The following RBFOX1 variants were observed in gnomAD, a reference collection of about 807,000 sequenced individuals.
RBFOX1 encodes RNA binding protein fox-1 homolog 1.
RBFOX1 carries 8 observed loss-of-function variants against 57.7 expected under a neutral mutation model. The ratio of observed to expected loss-of-function variants is 0.14; its 90% CI spans 0.08 to 0.25. The LOEUF is 0.25. Ranked by LOEUF, RBFOX1 falls within the 10% of genes least tolerant of loss-of-function variation. The pLI is 1.00. For synonymous variants in RBFOX1, 326 were observed against 222.4 expected, an observed-to-expected ratio of 1.47 and a Z score of -4.15; for missense variants, 611 against 548.5, an observed-to-expected ratio of 1.11 and a Z score of -1.14.
chr16:6,825,547 C>T (rs1423734500), intron 3 of RBFOX1, among the ~76,000 whole-genome samples: 2 of 152,100 alleles, frequency 1.3e-5, no homozygotes, highest in Non-Finnish European at 2.9e-5. Flanking sequence ...TATTGAAGGT[C>T]CAGGTACCTA....
chr16:7,331,820 T>A (rs1223105863), intron 4 of RBFOX1, among the ~76,000 whole-genome samples: 1 of 152,202 alleles, frequency 6.6e-6, no homozygotes, highest in Non-Finnish European at 1.5e-5. Flanking sequence ...TTAATTCAAT[T>A]GGAATTAATT....
chr16:6,305,264 C>A (rs901843344), intron 1 of RBFOX1, among the ~76,000 whole-genome samples: 1 of 152,168 alleles, frequency 6.6e-6, no homozygotes, highest in African/African-American at 2.4e-5. Flanking sequence ...AGTGAGAACA[C>A]GTACCAATAC....
intron 12 of RBFOX1, among the ~76,000 whole-genome samples, chr16:7,660,952 A>G (rs1320213966): frequency 2.0e-5 from 3 of 152,168 alleles, no homozygotes; most frequent in Non-Finnish European, 4.4e-5. Flanking sequence ...CTACATGTCT[A>G]AAGAGGCAAT....
chr16:7,304,022 C>G (rs879439121), intron 4 of RBFOX1, among the ~76,000 whole-genome samples: 23 of 151,992 alleles, frequency 1.5e-4, no homozygotes, highest in Non-Finnish European at 2.8e-4. Flanking sequence ...GCAGGCCCAA[C>G]AACCCAGAAA....
At chr16:7,109,215 C>A (rs1464257857) in intron 4 of RBFOX1, among the ~76,000 whole-genome samples, 1 of 152,024 alleles carries the variant, frequency 6.6e-6, no homozygotes, top group East Asian at 1.9e-4. Context: ...ATAAAGGATA[C>A]CAGTAGATTT....
At chr16:6,359,582 T>C (rs962548836) in intron 2 of RBFOX1, among the ~76,000 whole-genome samples, 6 of 152,204 alleles carry the variant, frequency 3.9e-5, no homozygotes, top group Admixed American at 3.3e-4. Flanking sequence ...GCTTTGCCAC[T>C]GGTGTATGGA....
chr16:6,452,236 TTCCATGACTCCA>T (rs1439992849), intron 2 of RBFOX1, among the ~76,000 whole-genome samples: 21 of 147,578 alleles, frequency 1.4e-4, no homozygotes, highest in Middle Eastern at 3.8e-3. Flanking sequence ...GGCTCCTTCC[TTCCATGACTCCA>T]TCCATGACTC....
rs942333974 is a variant in RBFOX1 at position 6,003,051 on chromosome 16, G to A, written c.351+135716G>A. Among the ~76,000 whole-genome samples the A allele has an allele frequency of 5.3e-5, 8 of 151,968 alleles. 1 individual carries two copies. The South Asian group carries it at 8.3e-4, about 16-fold the overall frequency. On this transcript the variant is annotated intron_variant, in intron 4 of 19. Transcript: ENST00000641259. ...TCCCAACACTTTGGGAGGCTGAGGC[G>A]GGTGGATCACGAGGTCAGGAGATCG... is the stretch of plus-strand genomic sequence containing the variant.
chr16:7,275,630 G>GAAAT lies in RBFOX1; in HGVS notation c.27+223532_27+223533insAAAT, dbSNP rs777791065. Among the ~76,000 whole-genome samples, 1,222 of 152,316 alleles carry GAAAT rather than the reference G, an allele frequency of 8.0e-3. 8 individuals are homozygous for GAAAT. Among genetic ancestry groups the GAAAT allele is most frequent in the Middle Eastern group, 0.017 (5 of 294 alleles). ...GATGGTAGGTTGGATTGAAATCTGTGCAAATGATGAGCTTATCTGTTTCGG... is the reference window on the plus strand; with the variant it reads ...GATGGTAGGTTGGATTGAAATCTGTGAAATCAAATGATGAGCTTATCTGTTTCGG... On this transcript the variant is annotated intron_variant, in intron 4 of 15. Coordinates refer to ENST00000550418, the MANE Select transcript of RBFOX1 (RefSeq NM_018723.4).
chr16:6,336,019 A>G (rs888699171), intron 2 of RBFOX1, among the ~76,000 whole-genome samples: 1 of 149,356 alleles, frequency 6.7e-6, no homozygotes, highest in African/African-American at 2.4e-5. Context: ...CTTTGACCTC[A>G]GTCTGTGACC....
At chr16:6,829,544 T>C (rs2092535723) in intron 3 of RBFOX1, among the ~76,000 whole-genome samples, 1 of 151,670 alleles carries the variant, frequency 6.6e-6, no homozygotes, top group Non-Finnish European at 1.5e-5. Flanking sequence ...ATAAGTACCA[T>C]TAGTTAAACA....
intron 3 of RBFOX1, among the ~76,000 whole-genome samples, chr16:5,843,539 T>C (rs546382378): frequency 6.6e-6 from 1 of 152,202 alleles, no homozygotes; most frequent in Non-Finnish European, 1.5e-5. Context: ...ATTTTCTTTG[T>C]CTACTCTGCC....
At chr16:5,755,006 G>C (rs2053343406) in intron 3 of RBFOX1, among the ~76,000 whole-genome samples, 1 of 14,046 alleles carries the variant, frequency 7.1e-5, no homozygotes, top group African/African-American at 3.3e-4. Flanking sequence ...CTATCACATG[G>C]GGAGAAACCT....
chr16:5,958,980 C>A (rs2059699399), intron 4 of RBFOX1, among the ~76,000 whole-genome samples: 1 of 152,170 alleles, frequency 6.6e-6, no homozygotes, highest in African/African-American at 2.4e-5. Context: ...TATAAAATGA[C>A]ATATTTGCAA....
At chr16:6,743,807 T>C (rs1033431302) in intron 3 of RBFOX1, among the ~76,000 whole-genome samples, 1 of 122,678 alleles carries the variant, frequency 8.2e-6, no homozygotes, top group Non-Finnish European at 1.8e-5. Context: ...TTCATTATTT[T>C]TTCTCATGTG....
At chr16:6,798,808 C>G (rs1167682085) in intron 3 of RBFOX1, among the ~76,000 whole-genome samples, 1 of 152,078 alleles carries the variant, frequency 6.6e-6, no homozygotes, top group Non-Finnish European at 1.5e-5. Flanking sequence ...TATTGAGCAT[C>G]TGTGATTAGA....
intron 3 of RBFOX1, among the ~76,000 whole-genome samples, chr16:5,623,270 C>A (rs765345052): frequency 6.6e-6 from 1 of 152,244 alleles, no homozygotes. Flanking sequence ...GGACAGGACT[C>A]TAGTGGATTT....
At chr16:5,725,618 A>C (rs757517005) in intron 3 of RBFOX1, among the ~76,000 whole-genome samples, 3 of 151,278 alleles carry the variant, frequency 2.0e-5, no homozygotes, top group African/African-American at 4.9e-5. Flanking sequence ...CTTCTGCTTG[A>C]GTCTGCAAGA....
intron 2 of RBFOX1, among the ~76,000 whole-genome samples, chr16:6,462,409 A>G (rs1243942801): frequency 6.6e-6 from 1 of 152,220 alleles, no homozygotes; most frequent in Non-Finnish European, 1.5e-5. Flanking sequence ...TTGTCCACAC[A>G]TGCCAATTAT....
Sources: allele counts gnomAD v4.1 joint callset (sites outside exome capture counted in the v4.1 genomes callset), GRCh38; gene constraint gnomAD v4.1.1; transcripts MANE v1.5; gene names NCBI Gene and HGNC (gene_info 2026-07-23, HGNC 2026-07-21).